Variants in ABCA13 observed in about 807,000 individuals in gnomAD.
The protein encoded by ABCA13 is ATP-binding cassette sub-family A member 13.
A neutral mutation model predicts 478.7 loss-of-function variants in ABCA13; 476 were observed. The observed-to-expected ratio is 0.99, with a 90% CI of 0.92 to 1.07. The LOEUF (loss-of-function observed/expected upper bound fraction) is 1.07, where lower values mean the gene tolerates loss of function less well. Ranked by LOEUF, ABCA13 falls within the 50% of genes least tolerant of loss-of-function variation. The pLI, the probability that ABCA13 is intolerant of heterozygous loss-of-function variation, is 0.00. For synonymous variants in ABCA13, 2,252 were observed against 2,158.9 expected (o/e 1.04, Z -1.20); for missense variants, 6,060 against 5,910.6 (o/e 1.03, Z -0.83).
intron 52 of ABCA13, among the ~76,000 whole-genome samples, chr7:48,519,189 T>A (rs1212447273): frequency 6.6e-6 from 1 of 152,186 alleles, no homozygotes; most frequent in East Asian, 1.9e-4. Context: ...TGTATCCATC[T>A]ATCCAGTCTA....
At chr7:48,243,010 G>A (rs1232594445) in intron 10 of ABCA13, 2 of 152,236 alleles carry the variant, frequency 1.3e-5, no homozygotes, top group African/African-American at 2.4e-5. Flanking sequence ...TCCTGCCCAC[G>A]TCCCTGCAGT....
chr7:48,417,139 C>T (rs188449033), intron 41 of ABCA13, among the ~76,000 whole-genome samples: 43 of 152,210 alleles, frequency 2.8e-4, no homozygotes, highest in Admixed American at 5.2e-4. Flanking sequence ...TGTACAAGTC[C>T]GAAGAACAGG....
Position 48,227,245 on chromosome 7 carries a change from A to T in ABCA13, c.469-17A>T. The T allele has an allele frequency of 6.2e-7, 1 of 1,609,384 alleles. No individual in the cohort carries two copies. The highest frequency in any genetic ancestry group is 8.5e-7 in the Non-Finnish European group (1 of 1,177,820). ...AACTCCAGAGGGAAACTTTTGGTGT[A>T]TTTTTTTTCCCATCAGATGGATCTC... On this transcript the variant is annotated splice_polypyrimidine_tract_variant and intron_variant, in intron 5 of 61. Coordinates refer to ENST00000435803, the MANE Select transcript of ABCA13 (RefSeq NM_152701.5).
At chr7:48,536,612 C>A (rs1478291544) in intron 55 of ABCA13, among the ~76,000 whole-genome samples, 1 of 151,090 alleles carries the variant, frequency 6.6e-6, no homozygotes, top group African/African-American at 2.4e-5. Flanking sequence ...CACACCACTG[C>A]ACCCCAGCCT....
intron 15 of ABCA13, among the ~76,000 whole-genome samples, chr7:48,262,388 G>A (rs894151566): frequency 1.3e-4 from 19 of 151,848 alleles, no homozygotes; most frequent in African/African-American, 4.6e-4. Context: ...AACCTCTCAT[G>A]CTTATAGTCA....
intron 57 of ABCA13, among the ~76,000 whole-genome samples, chr7:48,588,883 C>T (rs576685942): frequency 1.3e-5 from 2 of 152,176 alleles, no homozygotes; most frequent in Non-Finnish European, 2.9e-5. Context: ...ATCAGGAAAA[C>T]GTAAATTACA....
intron 15 of ABCA13, among the ~76,000 whole-genome samples, chr7:48,249,636 T>C (rs1052916214): frequency 6.6e-6 from 1 of 152,210 alleles, no homozygotes; most frequent in African/African-American, 2.4e-5. Context: ...AATACTTCTA[T>C]ATGCAGACTA....
chr7:48,514,901 C>T (rs1449984916), intron 51 of ABCA13, among the ~76,000 whole-genome samples: 1 of 151,952 alleles, frequency 6.6e-6, no homozygotes, highest in African/African-American at 2.4e-5. Flanking sequence ...ATAATTAATG[C>T]CCACATTTTG....
intron 3 of ABCA13, among the ~76,000 whole-genome samples, chr7:48,200,663 G>A (rs1273213441): frequency 6.6e-6 from 1 of 152,170 alleles, no homozygotes; most frequent in Non-Finnish European, 1.5e-5. Flanking sequence ...ATTGTAAGGA[G>A]TAAGGAAAGA....
chr7:48,580,481 A>G, intron 56 of ABCA13, 107 bp downstream of exon 56: 1 of 1,056,916 alleles, frequency 9.5e-7, no homozygotes, highest in Middle Eastern at 2.1e-4. Context: ...AAGGAACTGT[A>G]GTATCAGATA....
chr7:48,278,315 C>A lies in ABCA13; in HGVS notation c.7121C>A (p.Ser2374Ter). ...DLFNALLRETSMKNKTENNID... is the reference protein window; with the variant it reads ...DLFNALLRET The stretch of plus-strand genomic sequence containing the variant: ...TTTAATGCCCTTCTCAGGGAAACTT[C>A]AATGAAAAATAAGACTGAAAATAAT... Residue 2374 changes from serine (S) to a stop codon, truncating the protein, a stop_gained, in exon 18 of 62, where the codon TCA becomes TAA. Coordinates refer to ENST00000435803, the MANE Select transcript of ABCA13 (RefSeq NM_152701.5). LOFTEE classifies it high-confidence loss of function. The A allele has an allele frequency of 6.2e-7, 1 of 1,612,590 alleles. No individual in the cohort carries two copies. Among genetic ancestry groups the A allele is most frequent in the Non-Finnish European group, 8.5e-7 (1 of 1,179,082 alleles).
At chr7:48,579,957 G>T (rs1788553750) in intron 55 of ABCA13, among the ~76,000 whole-genome samples, 1 of 152,150 alleles carries the variant, frequency 6.6e-6, no homozygotes, top group African/African-American at 2.4e-5. Flanking sequence ...TGAATTTTTA[G>T]GCAGTTAAGG....
intron 55 of ABCA13, among the ~76,000 whole-genome samples, chr7:48,536,094 T>C (rs73694666): frequency 0.035 from 5,369 of 152,300 alleles, 328 homozygotes; most frequent in African/African-American, 0.12. Context: ...GATATGAGTC[T>C]TCACATGCAG....
chr7:48,558,252 CTT>C (rs1054426023), intron 55 of ABCA13, among the ~76,000 whole-genome samples: 7 of 111,962 alleles, frequency 6.3e-5, no homozygotes, highest in East Asian at 2.7e-4. Flanking sequence ...TTTTCTTTTT[CTT>C]TTTTTTTTTT....
chr7:48,248,532 A>G (rs12112608), intron 14 of ABCA13, 88 bp downstream of exon 14: 2 of 1,060,138 alleles, frequency 1.9e-6, no homozygotes, highest in Non-Finnish European at 2.6e-6. Flanking sequence ...ATAGATCAAT[A>G]TGGTAGATTA....
rs1374952854 is a variant in ABCA13 at position 48,225,134 on chromosome 7, TG to T, written c.469-2127del. ...GTGCCTGCCTGCCTGCCTGCCTGCC[TG>T]CCTTCCTTCCTTCCTTCCTTCCTTC... On this transcript the variant is annotated intron_variant, in intron 5 of 61. Coordinates refer to ENST00000435803, the MANE Select transcript of ABCA13 (RefSeq NM_152701.5). Among the ~76,000 whole-genome samples the T allele has an allele frequency of 3.5e-3, 430 of 122,636 alleles. 2 individuals are homozygous for T. Among genetic ancestry groups the T allele is most frequent in the Middle Eastern group, 0.013 (3 of 238 alleles). The allele number at this position is 122,636 out of a possible 152,430, so 80.5% of individuals were successfully genotyped here.
chr7:48,412,714 A>G, intron 41 of ABCA13, 131 bp downstream of exon 41: 1 of 625,950 alleles, frequency 1.6e-6, no homozygotes. Context: ...TTTACATTTG[A>G]TTTCTGATTG....
chr7:48,250,054 G>T (rs1792309555), intron 15 of ABCA13, among the ~76,000 whole-genome samples: 1 of 151,990 alleles, frequency 6.6e-6, no homozygotes, highest in African/African-American at 2.4e-5. Context: ...ACCCCTCGTT[G>T]TGTTCAGTAA....
At chr7:48,408,718 G>T (rs1007824556) in intron 39 of ABCA13, among the ~76,000 whole-genome samples, 1 of 151,940 alleles carries the variant, frequency 6.6e-6, no homozygotes. Flanking sequence ...TTAAATTCAG[G>T]GGTACATGTG....
Sources: gnomAD v4.1 joint callset for allele counts (sites outside exome capture counted in the v4.1 genomes callset) on GRCh38, gnomAD v4.1.1 for gene constraint, MANE v1.5 for transcripts, NCBI Gene and HGNC (gene_info 2026-07-23, HGNC 2026-07-21) for gene names.